DACT2: variants seen among roughly 807,000 people sequenced by gnomAD.
DACT2 encodes dishevelled binding antagonist of beta catenin 2.
Under a neutral mutation model 22.2 loss-of-function variants are expected in DACT2, and 20 were observed. The observed-to-expected ratio is 0.90, with a 90% confidence interval of 0.63 to 1.31. The LOEUF (loss-of-function observed/expected upper bound fraction) is 1.31. Ranked by LOEUF, DACT2 falls within the 50% of genes most tolerant of loss-of-function variation. The pLI is 0.00. For missense variants in DACT2, 1,048 were observed against 1,061.4 expected (o/e 0.99, Z 0.18); for synonymous variants, 463 against 479.8 (o/e 0.96, Z 0.46).
chr6:168,294,571 GTGTGTGTATATATA>G, intron 4 of DACT2: 1 of 514,938 alleles, frequency 1.9e-6, no homozygotes. Context: ...ATGTGTGTGT[GTGTGTGTATATATA>G]TATATATATA....
intron 3 of DACT2, among the ~76,000 whole-genome samples, chr6:168,296,730 AG>A (rs1207220493): frequency 6.6e-6 from 1 of 152,286 alleles, no homozygotes; most frequent in Non-Finnish European, 1.5e-5. Flanking sequence ...GCTGTATAAT[AG>A]CAGACTGCAT....
chr6:168,313,954 C>T (rs1318421937), intron 1 of DACT2, among the ~76,000 whole-genome samples: 2 of 152,144 alleles, frequency 1.3e-5, no homozygotes, highest in African/African-American at 2.4e-5. Context: ...CCTCAGGTCC[C>T]GTCTACGTCT....
chr6:168,311,396 C>G, intron 1 of DACT2, 112 bp from the exon 2 acceptor site: 2 of 1,299,114 alleles, frequency 1.5e-6, no homozygotes, highest in Non-Finnish European at 2.0e-6. Flanking sequence ...CCAAAGTCCA[C>G]GCGAAATACA....
chr6:168,311,585 CACACACACACAT>C (rs202012984), intron 1 of DACT2, among the ~76,000 whole-genome samples: 4 of 63,328 alleles, frequency 6.3e-5, no homozygotes, highest in Admixed American at 3.7e-4. Context: ...CACACCCATC[CACACACACACAT>C]ACACACACAC....
intron 3 of DACT2, chr6:168,300,466 C>T (rs1289652281): frequency 1.3e-5 from 2 of 152,136 alleles, no homozygotes; most frequent in African/African-American, 2.4e-5. Context: ...GATAAGTCCT[C>T]AAGTGGGGTG....
chr6:168,310,233 G>C lies in DACT2; in HGVS notation c.593C>G (p.Pro198Arg), dbSNP rs917647026. Residue 198 changes from proline to arginine, a missense_variant, in exon 3 of 4, where the codon CCC becomes CGC. Coordinates refer to ENST00000366795, the MANE Select transcript of DACT2 (RefSeq NM_214462.5). ...GCCTGCATCCTCCACGCTCCCTGGG[G>C]GCCTGGCGCCCTCCTCGGTAGCCTG... ...RPQATEEGAR[P>R]PGSVEDAGQP... 6.4e-7 allele frequency: 1 copy of C among 1,551,194 alleles called. No individual in the cohort carries two copies. The highest frequency in any genetic ancestry group is 1.2e-5 in the South Asian group (1 of 84,050).
In DACT2 at chr6:168,307,654, G is replaced by A; in HGVS notation, c.2103C>T (p.Ser701=). The change falls in exon 4 of 4, where the codon AGC becomes AGT. Residue 701 remains serine, a synonymous_variant. Transcript: ENST00000366795. The surrounding 1 kb of genome is among the most constrained non-coding windows in gnomAD (Gnocchi z 5.3). Reference sequence around the variant, plus strand: ...TCTGGGCGCCGCCCTCCTCGTCGCTGCTGCTGGACTCACGGTCTCCGAATC... The same window carrying A: ...TCTGGGCGCCGCCCTCCTCGTCGCTACTGCTGGACTCACGGTCTCCGAATC... The part of the protein sequence containing the change: ...TNRFGDRESS[S]SDEEGGAQSR... The A allele has an allele frequency of 1.3e-6, 2 of 1,548,098 alleles. No individual in the cohort carries two copies. Among genetic ancestry groups the A allele is most frequent in the Non-Finnish European group, 8.7e-7 (1 of 1,144,796 alleles).
At chr6:168,294,559 GTATGTGTGTGTGTGTGTGTATATATA>G in intron 4 of DACT2, 1 of 657,862 alleles carries the variant, frequency 1.5e-6, no homozygotes, top group Non-Finnish European at 2.0e-6. Context: ...GTGTGTGTGT[GTATGTGTGTGTGTGTGTGTATATATA>G]TATATATATA....
chr6:168,296,720 G>A (rs943694616), intron 3 of DACT2, among the ~76,000 whole-genome samples: 19 of 152,222 alleles, frequency 1.2e-4, no homozygotes, highest in Non-Finnish European at 1.5e-5. Context: ...ATAAGGAATA[G>A]CTGTATAATA....
intron 1 of DACT2, among the ~76,000 whole-genome samples, chr6:168,314,811 C>A (rs553111449): frequency 3.9e-5 from 6 of 152,292 alleles, no homozygotes; most frequent in African/African-American, 1.4e-4. Context: ...AAGGCTATCC[C>A]CTCCATTCAG....
chr6:168,309,101 G>C lies in DACT2; in HGVS notation c.659-3C>G. On this transcript the variant is annotated splice_polypyrimidine_tract_variant and splice_region_variant and intron_variant, in intron 3 of 3. Coordinates refer to ENST00000366795, the MANE Select transcript of DACT2 (RefSeq NM_214462.5). ...CGGCAGGGCTCTGTCAAGATCACCT[G>C]GGAGCGAGAAAAATGAACAAACACG... is the stretch of plus-strand genomic sequence containing the variant. 6.6e-7 allele frequency: 1 copy of C among 1,508,508 alleles called. No homozygotes were observed. Among genetic ancestry groups the C allele is most frequent in the African/African-American group, 1.4e-5 (1 of 72,184 alleles). The allele number at this position is 1,508,508 out of a possible 1,614,324, so 93.4% of individuals were successfully genotyped here.
rs1280602727 is a variant in DACT2, at chr6:168,308,040, C to T, written c.1717G>A (p.Val573Ile). ...TCCTGCGGGGCCACTGCCAAGGGGA[C>T]GAGGACAGGCATGGGGTAGAGGGTG... ...ESTLYPMPVL[V>I]PLAVAPQESH... Residue 573 changes from valine (V) to isoleucine (I), a missense_variant, in exon 4 of 4, where the codon GTC (valine) becomes ATC (isoleucine). Transcript: ENST00000366795. 7.1e-6 allele frequency: 11 copies of T among 1,548,792 alleles called. No individual in the cohort carries two copies. In the Admixed American group the frequency reaches 1.2e-4, roughly 17 times the overall value.
chr6:168,301,309 A>C (rs73258852), intron 3 of DACT2, among the ~76,000 whole-genome samples: 2,906 of 152,278 alleles, frequency 0.019, 93 homozygotes, highest in African/African-American at 0.066. Flanking sequence ...CACAAATGTA[A>C]TTACATTCTC....
chr6:168,319,380 G>A lies in DACT2; in HGVS notation c.246+8C>T. 8.3e-7 allele frequency: 1 copy of A among 1,199,826 alleles called. No homozygotes were observed. Among genetic ancestry groups the A allele is most frequent in the Non-Finnish European group, 1.0e-6 (1 of 967,582 alleles). The allele number at this position is 1,199,826 out of a possible 1,614,324, so 74.3% of individuals were successfully genotyped here. A position where few individuals can be genotyped will look rare whatever the true frequency, so the allele number is the denominator to read the frequency against. ...TCGCAGCCCCGAGTCCCGGCGCCCG[G>A]TCCTTACCAGCTGCTCCTGCAGCGC... On this transcript the variant is annotated splice_region_variant and intron_variant, in intron 1 of 3. Transcript: ENST00000366795.
rs1779293267 is a variant in DACT2 at position 168,308,532 on chromosome 6, T to G, written c.1225A>C (p.Met409Leu). The change falls in exon 4 of 4, where the codon ATG becomes CTG. Residue 409 changes from methionine to leucine, a missense_variant. Physicochemically the swap from Met to Leu is conservative, Grantham distance 15. Coordinates refer to ENST00000366795, the MANE Select transcript of DACT2 (RefSeq NM_214462.5). ...GRGGPQQQGY[M>L]PLEGPQQSGS... is the part of the protein sequence containing the mutation. ...GACTGCTGGGGACCCTCAAGGGGCATGTATCCCTGCTGCTGGGGCCCGCCC... is the reference window on the plus strand; with the variant it reads ...GACTGCTGGGGACCCTCAAGGGGCAGGTATCCCTGCTGCTGGGGCCCGCCC... The G allele has an allele frequency of 6.5e-7, 1 of 1,550,176 alleles. No homozygotes were observed. Among genetic ancestry groups the G allele is most frequent in the South Asian group, 1.2e-5 (1 of 83,962 alleles).
chr6:168,308,470 G>GT lies in DACT2; in HGVS notation c.1286dup (p.Asn429LysfsTer69). 1 of 1,551,628 alleles carries GT rather than the reference G, an allele frequency of 6.4e-7. No individual in the cohort carries two copies. Among genetic ancestry groups the GT allele is most frequent in the Non-Finnish European group, 8.7e-7 (1 of 1,146,946 alleles). ...CCATGGTCTCCCTGAGGACACAGCTGTTTGAGGGCTTGGAGCCCTCCTCTG... is the reference window on the plus strand; with the variant it reads ...CCATGGTCTCCCTGAGGACACAGCTGTTTTGAGGGCTTGGAGCCCTCCTCTG... On this transcript the variant is annotated frameshift_variant, in exon 4 of 4. Transcript: ENST00000366795. LOFTEE classifies it low-confidence loss of function (END_TRUNC).
chr6:168,303,422 G>T (rs921432796), downstream of DACT2, among the ~76,000 whole-genome samples: 7 of 152,182 alleles, frequency 4.6e-5, no homozygotes, highest in African/African-American at 1.7e-4. Context: ...TTCTCGCTCT[G>T]GCGGAATGGC....
rs1405355587 is a variant in DACT2, at chr6:168,309,417, G to GCGTGTAGACACAGGGTGCGGGGCCGTTTC, written c.659-320_659-319insGAAACGGCCCCGCACCCTGTGTCTACACG. Among the ~76,000 whole-genome samples, 126 of 151,686 alleles carry GCGTGTAGACACAGGGTGCGGGGCCGTTTC rather than the reference G, an allele frequency of 8.3e-4. 1 individual carries two copies. The highest frequency in any genetic ancestry group is 2.9e-3 in the African/African-American group (120 of 41,398). On this transcript the variant is annotated intron_variant, in intron 3 of 3. Transcript: ENST00000366795. ...ATCTAGACACCGCACAGGGCCGTTT[G>GCGTGTAGACACAGGGTGCGGGGCCGTTTC]CGTGTAGACACAGGGTGCGGGGCCG...
chr6:168,304,075 CA>C (rs1307414479), downstream of DACT2, among the ~76,000 whole-genome samples: 1 of 152,142 alleles, frequency 6.6e-6, no homozygotes, highest in Non-Finnish European at 1.5e-5. Context: ...TCAAATTCTA[CA>C]TTGTCTACTT....
Sources: gnomAD v4.1 joint callset for allele counts (sites outside exome capture counted in the v4.1 genomes callset) on GRCh38, gnomAD v4.1.1 for gene constraint, Gnocchi (gnomAD v3.1) non-coding constraint, MANE v1.5 for transcripts, NCBI Gene and HGNC (gene_info 2026-07-23, HGNC 2026-07-21) for gene names.